The following RHBDD1 variants were observed in gnomAD, a reference collection of about 807,000 sequenced individuals.
RHBDD1 encodes rhomboid-related protein 4.
Under a neutral mutation model 36.3 loss-of-function variants are expected in RHBDD1, and 38 were observed. That is an observed-to-expected ratio of 1.05 (90% CI 0.81 to 1.37). The LOEUF (loss-of-function observed/expected upper bound fraction) is 1.37, where lower values mean the gene tolerates loss of function less well. RHBDD1 is among the 40% of genes most tolerant of loss of function. RHBDD1 has a pLI of 0.00. For missense variants in RHBDD1, 393 were observed against 377.6 expected, an observed-to-expected ratio of 1.04 and a Z score of -0.34; for synonymous variants, 151 against 136.5, an observed-to-expected ratio of 1.11 and a Z score of -0.74.
intron 8 of RHBDD1, among the ~76,000 whole-genome samples, chr2:226,931,220 C>T (rs1189161643): frequency 6.6e-6 from 1 of 151,950 alleles, no homozygotes; most frequent in Non-Finnish European, 1.5e-5. Flanking sequence ...GCATAGTTAA[C>T]AGTTGCAAAG....
At chr2:226,896,516 T>G (rs1230669826) in intron 5 of RHBDD1, among the ~76,000 whole-genome samples, 1 of 152,164 alleles carries the variant, frequency 6.6e-6, no homozygotes, top group Non-Finnish European at 1.5e-5. Context: ...ACCACCTCCT[T>G]CCAAGCTGCC....
rs1234876635 is a variant in RHBDD1 at position 226,908,761 on chromosome 2, G to A, written c.656-61G>A. 5 of 1,107,634 alleles carry A rather than the reference G, an allele frequency of 4.5e-6. No individual in the cohort carries two copies. The South Asian group carries it at 5.0e-5, about 11-fold the overall frequency. 68.6% of individuals were successfully genotyped at this position (1,107,634 alleles called of 1,614,324 possible). ...TGTCCAGAGAACTTTCTAATTACTG[G>A]AACAATTAGCATTTAAAGCTTTATG... On this transcript the variant is annotated intron_variant, in intron 6 of 8. Coordinates refer to ENST00000392062, the MANE Select transcript of RHBDD1 (RefSeq NM_001167608.3).
chr2:226,808,708 C>G, the RHBDD1 span: 2 of 152,204 alleles, frequency 1.3e-5, no homozygotes, highest in East Asian at 3.9e-4. Context: ...GGAGGTGTTC[C>G]AAGAGAATCA....
Position 226,997,792 on chromosome 2 carries a change from T to C in RHBDD1, c.*2270T>C, listed in dbSNP as rs969234755. 2.0e-5 allele frequency: 3 copies of C among 152,234 alleles called. No homozygotes were observed. The highest frequency in any genetic ancestry group is 2.9e-5 in the Non-Finnish European group (2 of 68,046). The allele number at this position is 152,234 out of a possible 1,614,324, so 9.4% of individuals were successfully genotyped here. On this transcript the variant is annotated 3_prime_UTR_variant, in exon 9 of 9. Transcript: ENST00000392062. ...GATGTGAGAAAGGTCATTTTAGTTA[T>C]AAATGTAAACCAATTACTTTAGCAC...
At chr2:226,806,426 G>A in the RHBDD1 span, among the ~76,000 whole-genome samples, 1 of 152,158 alleles carries the variant, frequency 6.6e-6, no homozygotes, top group Non-Finnish European at 1.5e-5. Flanking sequence ...TTTTATGTAT[G>A]CTAAGATTTG....
chr2:226,960,855 A>G (rs1021681459), intron 8 of RHBDD1, among the ~76,000 whole-genome samples: 6 of 152,200 alleles, frequency 3.9e-5, no homozygotes, highest in African/African-American at 1.4e-4. Flanking sequence ...AGTATCTGGA[A>G]GGACCTTGTA....
the RHBDD1 span, among the ~76,000 whole-genome samples, chr2:226,809,184 A>T: frequency 1.3e-4 from 20 of 152,250 alleles, no homozygotes; most frequent in African/African-American, 4.3e-4. Flanking sequence ...AGATGCCAGC[A>T]AGGGAGACAG....
intron 8 of RHBDD1, among the ~76,000 whole-genome samples, chr2:226,932,632 C>T (rs115689243): frequency 0.017 from 2,541 of 151,980 alleles, 72 homozygotes; most frequent in African/African-American, 0.059. Flanking sequence ...GTCCCTCTCC[C>T]GGTAGTATAG....
intron 8 of RHBDD1, among the ~76,000 whole-genome samples, chr2:226,958,996 G>A (rs1420543933): frequency 2.0e-5 from 3 of 152,058 alleles, no homozygotes; most frequent in African/African-American, 4.8e-5. Context: ...GTATATGCCC[G>A]GAGCTGCCTT....
At chr2:226,906,652 A>G (rs1161817801) in intron 5 of RHBDD1, 141 bp from the exon 6 acceptor site, 30 of 1,515,950 alleles carry the variant, frequency 2.0e-5, no homozygotes, top group Non-Finnish European at 2.6e-5. Context: ...ACTGAGTTAA[A>G]TGCTGCTTAG....
the RHBDD1 span, among the ~76,000 whole-genome samples, chr2:226,812,647 C>CTCTCTCTTTTTT: frequency 1.2e-4 from 18 of 150,304 alleles, no homozygotes; most frequent in African/African-American, 3.9e-4. Flanking sequence ...CTCTCTCTCT[C>CTCTCTCTTTTTT]TTTTTTTTTG....
Position 226,923,339 on chromosome 2 carries a change from T to C in RHBDD1, c.856+8988T>C, listed in dbSNP as rs182352722. Among the ~76,000 whole-genome samples, 351 of 152,326 alleles carry C rather than the reference T, an allele frequency of 2.3e-3. 1 individual carries two copies. Among genetic ancestry groups the C allele is most frequent in the Non-Finnish European group, 4.1e-3 (282 of 68,032 alleles). ...CCCCTTCAGCACTTTAAATATATCATGCCATTCTCTCCTTGCCTGTAAGGT... is the reference window on the plus strand; with the variant it reads ...CCCCTTCAGCACTTTAAATATATCACGCCATTCTCTCCTTGCCTGTAAGGT... On this transcript the variant is annotated intron_variant, in intron 8 of 8. Coordinates refer to ENST00000392062, the MANE Select transcript of RHBDD1 (RefSeq NM_001167608.3).
the RHBDD1 span, among the ~76,000 whole-genome samples, chr2:226,816,375 C>CAAAAAAAAAAAAAAAAAAAAAAAA: frequency 1.5e-5 from 1 of 64,940 alleles, no homozygotes; most frequent in Non-Finnish European, 3.5e-5. Context: ...GGAATGGTGG[C>CAAAAAAAAAAAAAAAAAAAAAAAA]AAAAAAAAAA....
At chr2:226,849,877 GTCTC>G (rs374668804) in intron 3 of RHBDD1, among the ~76,000 whole-genome samples, 1 of 151,638 alleles carries the variant, frequency 6.6e-6, no homozygotes, top group Non-Finnish European at 1.5e-5. Context: ...TATATTTTCT[GTCTC>G]TCTCTCTCTA....
chr2:226,826,371 T>C, the RHBDD1 span, among the ~76,000 whole-genome samples: 7 of 152,214 alleles, frequency 4.6e-5, no homozygotes, highest in African/African-American at 1.2e-4. Context: ...TTAGTGAAAA[T>C]TGATATGCAA....
chr2:226,817,403 T>A, the RHBDD1 span, among the ~76,000 whole-genome samples: 1 of 152,098 alleles, frequency 6.6e-6, no homozygotes, highest in South Asian at 2.1e-4. Flanking sequence ...TAGTAGTCAA[T>A]CAAAAATAAC....
Position 226,869,822 on chromosome 2 carries a change from C to T in RHBDD1, c.566+2504C>T, listed in dbSNP as rs541832950. Among the ~76,000 whole-genome samples, 108 of 152,220 alleles carry T rather than the reference C, an allele frequency of 7.1e-4. 4 individuals are homozygous for T. In the South Asian group the frequency reaches 0.01, roughly 15 times the overall value. Reference sequence around the variant, plus strand: ...CCGGCTTTCCATTTTCCTTCGTGTCCTGAGACCCTGATAGGTGATAGTGTC... The same window carrying T: ...CCGGCTTTCCATTTTCCTTCGTGTCTTGAGACCCTGATAGGTGATAGTGTC... On this transcript the variant is annotated intron_variant, in intron 5 of 8. Transcript: ENST00000392062.
intron 8 of RHBDD1, among the ~76,000 whole-genome samples, chr2:226,941,749 A>G (rs146878027): frequency 5.3e-5 from 8 of 152,334 alleles, no homozygotes; most frequent in African/African-American, 1.9e-4. Flanking sequence ...CACCAAACAT[A>G]GAAAAGCCAC....
intron 8 of RHBDD1, among the ~76,000 whole-genome samples, chr2:226,986,621 C>T (rs1233815364): frequency 6.6e-6 from 1 of 152,090 alleles, no homozygotes; most frequent in Non-Finnish European, 1.5e-5. Flanking sequence ...CAAATCAAAA[C>T]CACAATGAGA....
Sources: gnomAD v4.1 joint callset for allele counts (sites outside exome capture counted in the v4.1 genomes callset) on GRCh38, gnomAD v4.1.1 for gene constraint, MANE v1.5 for transcripts, NCBI Gene and HGNC (gene_info 2026-07-23, HGNC 2026-07-21) for gene names.